SGPP2: variants seen among roughly 807,000 people sequenced by gnomAD.
The protein encoded by SGPP2 is sphingosine-1-phosphate phosphatase 2, also known as sphingosine 1-phosphate phosphohydrolase 2.
Under a neutral mutation model 33.9 loss-of-function variants are expected in SGPP2, and 30 were observed. The ratio of observed to expected loss-of-function variants is 0.89; its 90% CI spans 0.66 to 1.20. The LOEUF is 1.20. SGPP2 is among the 50% of genes most tolerant of loss of function. SGPP2 has a pLI of 0.00. For missense variants in SGPP2, 458 were observed against 532.1 expected (o/e 0.86, Z 1.37); for synonymous variants, 233 against 225.0 (o/e 1.04, Z -0.32).
intron 4 of SGPP2, among the ~76,000 whole-genome samples, chr2:222,532,962 A>G (rs1698860588): frequency 6.6e-6 from 1 of 152,216 alleles, no homozygotes; most frequent in African/African-American, 2.4e-5. Flanking sequence ...AAGGTAAAAC[A>G]GAGTTCCTTA....
intron 4 of SGPP2, among the ~76,000 whole-genome samples, chr2:222,538,893 C>T (rs1407663010): frequency 6.6e-6 from 1 of 152,160 alleles, no homozygotes; most frequent in African/African-American, 2.4e-5. Flanking sequence ...CACCTCCCAC[C>T]AGGTCCCACC....
intron 4 of SGPP2, among the ~76,000 whole-genome samples, chr2:222,547,878 T>C (rs184079709): frequency 6.2e-4 from 95 of 152,258 alleles, no homozygotes; most frequent in African/African-American, 2.1e-3. Flanking sequence ...AAATATAAAA[T>C]GAATATGTGT....
chr2:222,454,007 G>A (rs913121621), intron 1 of SGPP2, among the ~76,000 whole-genome samples: 4 of 152,228 alleles, frequency 2.6e-5, no homozygotes, highest in African/African-American at 9.6e-5. Context: ...TGCCTCTTTT[G>A]ATAAGCGTGC....
chr2:222,548,368 G>C (rs1689237941), intron 4 of SGPP2, among the ~76,000 whole-genome samples: 1 of 152,140 alleles, frequency 6.6e-6, no homozygotes, highest in Non-Finnish European at 1.5e-5. Context: ...TTTCCAAGTG[G>C]ACATTTATTC....
Position 222,427,663 on chromosome 2 carries a change from G to A in SGPP2, c.219+2842G>A, listed in dbSNP as rs149898566. 3.5e-3 allele frequency among the ~76,000 whole-genome samples: 531 copies of A among 152,310 alleles called. 3 individuals carry two copies. The highest frequency in any genetic ancestry group is 0.011 in the African/African-American group (476 of 41,574). ...ATAGCCTAGAAGGTAGCACCAGGAC[G>A]TTGATTTAGGACCCTTCAAACAATA... On this transcript the variant is annotated intron_variant, in intron 1 of 4. Transcript: ENST00000321276.
chr2:222,426,559 G>A (rs1268442266), intron 1 of SGPP2, among the ~76,000 whole-genome samples: 1 of 152,152 alleles, frequency 6.6e-6, no homozygotes, highest in East Asian at 1.9e-4. Context: ...ATCCTGGTGG[G>A]TCTTCAGTGA....
intron 2 of SGPP2, among the ~76,000 whole-genome samples, chr2:222,518,063 A>G (rs1574873425): frequency 6.6e-6 from 1 of 152,328 alleles, no homozygotes; most frequent in Middle Eastern, 3.4e-3. Context: ...TCATAGCATC[A>G]TTGTCACAAA....
chr2:222,524,842 C>A, intron 3 of SGPP2, 102 bp from the exon 4 acceptor site: 2 of 888,690 alleles, frequency 2.3e-6, no homozygotes, highest in Non-Finnish European at 1.8e-6. Context: ...AAGATTTGGA[C>A]TAGCAATTCT....
intron 1 of SGPP2, among the ~76,000 whole-genome samples, chr2:222,430,409 T>A (rs994489625): frequency 2.0e-5 from 3 of 152,248 alleles, no homozygotes; most frequent in Admixed American, 2.0e-4. Context: ...ATGTATATTT[T>A]ACCTTAATTT....
intron 4 of SGPP2, among the ~76,000 whole-genome samples, chr2:222,554,116 A>G (rs1313428288): frequency 1.3e-5 from 2 of 152,230 alleles, no homozygotes; most frequent in East Asian, 3.8e-4. Context: ...CTATATTCAC[A>G]TGACACAAAA....
chr2:222,479,399 CTTTTTTTTTT>C (rs568165167), intron 2 of SGPP2, among the ~76,000 whole-genome samples: 24 of 114,896 alleles, frequency 2.1e-4, no homozygotes, highest in Non-Finnish European at 2.8e-4. Flanking sequence ...ATCTACCCTT[CTTTTTTTTTT>C]TTTTTTTTTT....
At chr2:222,536,725 C>A (rs143653281) in intron 4 of SGPP2, among the ~76,000 whole-genome samples, 7 of 152,178 alleles carry the variant, frequency 4.6e-5, no homozygotes, top group African/African-American at 1.4e-4. Context: ...AAAATTGTTT[C>A]TTTGGCCCCT....
In SGPP2 at chr2:222,561,932, T is replaced by TCAGAC. The variant is rs1689549475; in HGVS notation, c.*3037_*3041dup. Among the ~76,000 whole-genome samples the TCAGAC allele has an allele frequency of 1.3e-5, 2 of 152,078 alleles. No individual in the cohort carries two copies. Among genetic ancestry groups the TCAGAC allele is most frequent in the African/African-American group, 4.8e-5 (2 of 41,416 alleles). On this transcript the variant is annotated 3_prime_UTR_variant, in exon 5 of 5. Transcript: ENST00000321276. ...TGCTCTGTTAAATCCTCTCTCTGTCTCAGACCATTGCTTGCCCCTTCAAAG... is the reference window on the plus strand; with the variant it reads ...TGCTCTGTTAAATCCTCTCTCTGTCTCAGACCAGACCATTGCTTGCCCCTTCAAAG...
rs1480464319 is a variant in SGPP2, at chr2:222,521,938, A to G, written c.550A>G (p.Arg184Gly). ...AFTLLISTMD[R>G]YQYPFVLGLV... ...CACCCTCCTTATCTCTACTATGGAC[A>G]GATACCAGGTAAGGTGGCCTGGTTC... The change falls in exon 3 of 5, where the codon AGA (arginine) becomes GGA (glycine). Residue 184 changes from arginine to glycine, a missense_variant. Physicochemically the swap from Arg to Gly is moderately radical, Grantham distance 125 (BLOSUM62 -2). Coordinates refer to ENST00000321276, the MANE Select transcript of SGPP2 (RefSeq NM_152386.4). The G allele has an allele frequency of 6.5e-7, 1 of 1,533,884 alleles. No individual in the cohort carries two copies. Among genetic ancestry groups the G allele is most frequent in the African/African-American group, 1.4e-5 (1 of 70,842 alleles).
intron 1 of SGPP2, among the ~76,000 whole-genome samples, chr2:222,453,879 A>G (rs1026077381): frequency 1.3e-5 from 2 of 152,154 alleles, no homozygotes; most frequent in Non-Finnish European, 2.9e-5. Flanking sequence ...ACTGTATTTT[A>G]TGTTATATAG....
chr2:222,463,435 T>G (rs1697695591), intron 1 of SGPP2, among the ~76,000 whole-genome samples: 1 of 152,126 alleles, frequency 6.6e-6, no homozygotes, highest in Non-Finnish European at 1.5e-5. Flanking sequence ...AGTAAGGCCC[T>G]GTCTCTACAA....
intron 2 of SGPP2, among the ~76,000 whole-genome samples, chr2:222,486,236 C>G (rs1192464469): frequency 2.0e-5 from 3 of 152,196 alleles, no homozygotes; most frequent in Non-Finnish European, 4.4e-5. Flanking sequence ...GAATTTGACT[C>G]CATGGGTGCC....
intron 2 of SGPP2, among the ~76,000 whole-genome samples, chr2:222,512,492 C>G (rs927351079): frequency 3.3e-5 from 5 of 152,136 alleles, no homozygotes; most frequent in Non-Finnish European, 5.9e-5. Context: ...CATTATTTCT[C>G]AAAGTCTATA....
chr2:222,438,366 A>G (rs1697275321), intron 1 of SGPP2, among the ~76,000 whole-genome samples: 1 of 152,210 alleles, frequency 6.6e-6, no homozygotes, highest in African/African-American at 2.4e-5. Flanking sequence ...AATCAGCATA[A>G]TGTCATCCAT....
Sources: allele counts gnomAD v4.1 joint callset (sites outside exome capture counted in the v4.1 genomes callset), GRCh38; gene constraint gnomAD v4.1.1; transcripts MANE v1.5; gene names NCBI Gene and HGNC (gene_info 2026-07-23, HGNC 2026-07-21).